Variants in THADA observed in about 807,000 individuals in gnomAD.
The protein encoded by THADA is THADA armadillo repeat containing.
THADA carries 213 observed loss-of-function variants against 219.8 expected under a neutral mutation model. That is an observed-to-expected ratio of 0.97 (90% CI 0.87 to 1.09). THADA has a LOEUF of 1.09. Among genes scored for constraint, THADA ranks in the 50% least tolerant of loss-of-function variants. The pLI is 0.00. For missense variants in THADA, 2,956 were observed against 2,311.3 expected (o/e 1.28, Z -5.72); for synonymous variants, 1,018 against 828.9 (o/e 1.23, Z -3.92).
chr2:43,299,892 G>A (rs1676047946), intron 31 of THADA, among the ~76,000 whole-genome samples: 1 of 150,292 alleles, frequency 6.7e-6, no homozygotes, highest in African/African-American at 2.4e-5. Context: ...GCCAGGTGTG[G>A]TGGTGCATGC....
chr2:43,515,059 AATATAT>A (rs1691234122), intron 22 of THADA, among the ~76,000 whole-genome samples: 1 of 29,306 alleles, frequency 3.4e-5, no homozygotes, highest in African/African-American at 1.4e-4. Context: ...TTTTATATAT[AATATAT>A]TTTATATATA....
chr2:43,459,473 T>C (rs1409115868), intron 26 of THADA, among the ~76,000 whole-genome samples: 3 of 152,148 alleles, frequency 2.0e-5, no homozygotes, highest in Admixed American at 1.3e-4. Context: ...GTGTTGAAGA[T>C]AAAACACTGA....
intron 20 of THADA, among the ~76,000 whole-genome samples, chr2:43,547,635 C>A (rs1363136353): frequency 6.6e-6 from 1 of 152,176 alleles, no homozygotes; most frequent in Non-Finnish European, 1.5e-5. Flanking sequence ...ATCACTGATA[C>A]CCTTTCTTCC....
At chr2:43,344,025 C>T in intron 30 of THADA, 97 bp downstream of exon 30, 1 of 835,604 alleles carries the variant, frequency 1.2e-6, no homozygotes, top group Non-Finnish European at 1.9e-6. Context: ...AAAACTCATG[C>T]CAATGACTTT....
At chr2:43,479,560 T>C (rs1033518683) in intron 26 of THADA, among the ~76,000 whole-genome samples, 2 of 152,040 alleles carry the variant, frequency 1.3e-5, no homozygotes, top group Non-Finnish European at 2.9e-5. Flanking sequence ...CAAAATCCTC[T>C]ATCAATAGCA....
At chr2:43,566,522 C>T in intron 15 of THADA, 176 bp downstream of exon 15, 1 of 768,848 alleles carries the variant, frequency 1.3e-6, no homozygotes, top group Admixed American at 2.0e-5. Flanking sequence ...GAGATAGTTT[C>T]TTCCTCTTCT....
intron 25 of THADA, among the ~76,000 whole-genome samples, chr2:43,497,371 A>T (rs1235021839): frequency 6.6e-6 from 1 of 152,212 alleles, no homozygotes; most frequent in Non-Finnish European, 1.5e-5. Flanking sequence ...AAGGAATGAG[A>T]TCATGTCCTT....
chr2:43,595,081 G>A (rs1701997348), intron 1 of THADA, among the ~76,000 whole-genome samples: 3 of 152,234 alleles, frequency 2.0e-5, no homozygotes, highest in African/African-American at 7.2e-5. Flanking sequence ...CATAGTAGGT[G>A]TTTAACAAAC....
intron 24 of THADA, among the ~76,000 whole-genome samples, chr2:43,504,313 G>A (rs1284098375): frequency 6.6e-6 from 1 of 152,094 alleles, no homozygotes; most frequent in Non-Finnish European, 1.5e-5. Context: ...TGTGCCATAT[G>A]ACTATGTTCC....
At position 43,417,037 on chromosome 2, in the gene THADA, C is replaced by CTTTTTTTT. The variant is rs67993873; in HGVS notation, c.4058+11055_4058+11062dup. 6.3e-4 allele frequency among the ~76,000 whole-genome samples: 59 copies of CTTTTTTTT among 93,688 alleles called. 1 individual carries two copies. The highest frequency in any genetic ancestry group is 1.2e-3 in the African/African-American group (31 of 25,374). 61.5% of individuals were successfully genotyped at this position (93,688 alleles called of 152,430 possible). A position where few individuals can be genotyped will look rare whatever the true frequency, so the allele number is the denominator to read the frequency against. ...GAATTGATATCCTCATGGCTGTTTT[C>CTTTTTTTT]TTTTTTTTTTTTTTTTTTTTTTGAG... On this transcript the variant is annotated intron_variant, in intron 28 of 37. Transcript: ENST00000405975.
chr2:43,476,243 T>C (rs1168618173), intron 26 of THADA, among the ~76,000 whole-genome samples: 6 of 152,218 alleles, frequency 3.9e-5, no homozygotes, highest in Non-Finnish European at 8.8e-5. Flanking sequence ...GAGGAAATGC[T>C]GTTGCTCTTA....
Position 43,574,720 on chromosome 2 carries a change from A to G in THADA, c.1345T>C (p.Trp449Arg). Residue 449 changes from tryptophan (W) to arginine (R), a missense_variant, in exon 11 of 38, where the codon TGG (tryptophan) becomes CGG (arginine). Physicochemically the swap from Trp to Arg is moderately radical, Grantham distance 101. Transcript: ENST00000405975. ...CACGTGTACTTTCCTTTAATATGCCATTCCAATCGTAAAAGACTCTCAGTC... is the reference window on the plus strand; with the variant it reads ...CACGTGTACTTTCCTTTAATATGCCGTTCCAATCGTAAAAGACTCTCAGTC... ...ELTESLLRLEWHIKGKYTCLG... is the reference protein window; with the variant it reads ...ELTESLLRLERHIKGKYTCLG... 6.2e-7 allele frequency: 1 copy of G among 1,614,060 alleles called. No homozygotes were observed. Among genetic ancestry groups the G allele is most frequent in the Non-Finnish European group, 8.5e-7 (1 of 1,179,900 alleles).
At chr2:43,430,674 A>T (rs1483246434) in intron 26 of THADA, 1 of 457,110 alleles carries the variant, frequency 2.2e-6, no homozygotes, top group Admixed American at 2.3e-5. Context: ...AGTGATAAGG[A>T]CAGGTCTAGA....
chr2:43,382,141 A>G (rs1175624314), intron 29 of THADA, among the ~76,000 whole-genome samples: 2 of 152,234 alleles, frequency 1.3e-5, no homozygotes, highest in Non-Finnish European at 2.9e-5. Flanking sequence ...CTAAGGAGAT[A>G]CGACATCTAA....
chr2:43,529,695 G>C (rs2103740345), intron 21 of THADA, among the ~76,000 whole-genome samples: 1 of 152,200 alleles, frequency 6.6e-6, no homozygotes, highest in South Asian at 2.1e-4. Flanking sequence ...CTTGATCCAG[G>C]TCTCCCCAAC....
intron 36 of THADA, 76 bp from the exon 37 acceptor site, chr2:43,232,958 GAAC>G: frequency 6.8e-7 from 1 of 1,464,736 alleles, no homozygotes; most frequent in Non-Finnish European, 9.2e-7. Context: ...AGGACCCTGG[GAAC>G]AATAAAGGCC....
chr2:43,242,454 C>T (rs1044604989), intron 36 of THADA, among the ~76,000 whole-genome samples: 2 of 152,086 alleles, frequency 1.3e-5, no homozygotes, highest in African/African-American at 4.8e-5. Flanking sequence ...CAAATCCAGG[C>T]TTATCTGACT....
intron 22 of THADA, among the ~76,000 whole-genome samples, chr2:43,520,743 C>CAT (rs1028797392): frequency 7.6e-5 from 11 of 144,248 alleles, no homozygotes; most frequent in Non-Finnish European, 1.4e-4. Flanking sequence ...CACACACACA[C>CAT]ATATATATCA....
intron 36 of THADA, among the ~76,000 whole-genome samples, chr2:43,275,787 T>C (rs1405468311): frequency 6.6e-6 from 1 of 152,194 alleles, no homozygotes; most frequent in East Asian, 1.9e-4. Context: ...CTTCACAAAT[T>C]TGTACCTTCA....
Sources: gnomAD v4.1 joint callset for allele counts (sites outside exome capture counted in the v4.1 genomes callset) on GRCh38, gnomAD v4.1.1 for gene constraint, MANE v1.5 for transcripts, NCBI Gene and HGNC (gene_info 2026-07-23, HGNC 2026-07-21) for gene names.